The following ACACA variants were observed in gnomAD, a reference collection of about 807,000 sequenced individuals.
ACACA encodes acetyl-CoA carboxylase 1.
A neutral mutation model predicts 296.1 loss-of-function variants in ACACA; 103 were observed. The observed-to-expected ratio is 0.35, with a 90% CI of 0.30 to 0.41. ACACA has a LOEUF of 0.41. Ranked by LOEUF, ACACA falls within the 10% of genes least tolerant of loss-of-function variation. ACACA has a pLI of 1.00. For missense variants in ACACA, 1,554 were observed against 2,989.7 expected (o/e 0.52, Z 11.20); for synonymous variants, 953 against 1,038.6 (o/e 0.92, Z 1.58).
At chr17:37,117,553 C>T (rs1420977981) in intron 50 of ACACA, among the ~76,000 whole-genome samples, 3 of 152,170 alleles carry the variant, frequency 2.0e-5, no homozygotes, top group Non-Finnish European at 4.4e-5. Context: ...GTAAATTTCA[C>T]GCTTGATGTC....
intron 55 of ACACA, 50 bp downstream of exon 55, chr17:37,088,888 C>G (rs961683285): frequency 6.2e-7 from 1 of 1,608,656 alleles, no homozygotes; most frequent in African/African-American, 1.3e-5. Context: ...CTTTTTATTC[C>G]AAAGAAATTA....
intron 1 of ACACA, among the ~76,000 whole-genome samples, chr17:37,366,185 C>T (rs1472719653): frequency 2.6e-5 from 4 of 152,160 alleles, no homozygotes; most frequent in Admixed American, 2.6e-4. Context: ...TGCCCCATCC[C>T]TACCTTCTCT....
intron 3 of ACACA, among the ~76,000 whole-genome samples, chr17:37,310,754 A>C (rs1294620426): frequency 6.9e-6 from 1 of 145,048 alleles, no homozygotes; most frequent in African/African-American, 2.5e-5. Flanking sequence ...AGATTGCAAC[A>C]TTGCACTCTA....
chr17:37,269,057 A>C (rs1386964856), intron 10 of ACACA, among the ~76,000 whole-genome samples: 4 of 151,472 alleles, frequency 2.6e-5, no homozygotes, highest in South Asian at 2.1e-4. Context: ...AAAAAAAAAA[A>C]AAAAAACCCA....
In ACACA at chr17:37,188,594, G is replaced by A. The variant is rs149705466; in HGVS notation, c.4573-114C>T. The A allele has an allele frequency of 4.0e-4, 439 of 1,094,650 alleles. No individual in the cohort carries two copies. The African/African-American group carries it at 6.0e-3, about 15-fold the overall frequency. 67.8% of individuals were successfully genotyped at this position (1,094,650 alleles called of 1,614,324 possible). On this transcript the variant is annotated intron_variant, in intron 38 of 55. Coordinates refer to ENST00000616317, the MANE Select transcript of ACACA (RefSeq NM_198834.3). Reference sequence around the variant, plus strand: ...TAAAAAAAAAAAGAGGTTGGTTTGTGGAGATGCACACCTTACAAAAAGTGG... The same window carrying A: ...TAAAAAAAAAAAGAGGTTGGTTTGTAGAGATGCACACCTTACAAAAAGTGG...
chr17:37,352,538 C>T (rs2048952934), intron 1 of ACACA, among the ~76,000 whole-genome samples: 1 of 151,830 alleles, frequency 6.6e-6, no homozygotes, highest in Admixed American at 6.6e-5. Context: ...CATGACGCAA[C>T]CCCATCTCTA....
intron 1 of ACACA, among the ~76,000 whole-genome samples, chr17:37,370,654 C>T (rs943146771): frequency 3.7e-4 from 55 of 150,590 alleles, no homozygotes; most frequent in Non-Finnish European, 6.8e-4. Flanking sequence ...TAGACTCTGT[C>T]TCCAAAAATA....
chr17:37,292,452 G>A (rs1165287059), intron 3 of ACACA, among the ~76,000 whole-genome samples: 1 of 152,064 alleles, frequency 6.6e-6, no homozygotes, highest in Non-Finnish European at 1.5e-5. Flanking sequence ...ACAAAAAAAA[G>A]GCATTCTATA....
chr17:37,170,963 T>A (rs919653241), intron 41 of ACACA, among the ~76,000 whole-genome samples: 1 of 152,174 alleles, frequency 6.6e-6, no homozygotes, highest in African/African-American at 2.4e-5. Context: ...GAAAGACATA[T>A]CCATCAACTC....
chr17:37,242,348 A>C (rs1035521281), intron 22 of ACACA, among the ~76,000 whole-genome samples: 1 of 152,164 alleles, frequency 6.6e-6, no homozygotes, highest in African/African-American at 2.4e-5. Flanking sequence ...CTCCCCACTT[A>C]TCTACCTATA....
chr17:37,161,448 T>C (rs1567742354), intron 42 of ACACA, among the ~76,000 whole-genome samples: 1 of 152,212 alleles, frequency 6.6e-6, no homozygotes. Context: ...TGTTGATAAT[T>C]GACCGTAAGT....
chr17:37,275,448 A>G (rs1346080011), intron 8 of ACACA, among the ~76,000 whole-genome samples: 1 of 146,276 alleles, frequency 6.8e-6, no homozygotes, highest in Non-Finnish European at 1.5e-5. Flanking sequence ...GTAAGCCAAG[A>G]TCATGCCACT....
At chr17:37,096,028 T>C (rs2072967843) in intron 54 of ACACA, among the ~76,000 whole-genome samples, 1 of 152,166 alleles carries the variant, frequency 6.6e-6, no homozygotes, top group South Asian at 2.1e-4. Flanking sequence ...GCCAGCTTCA[T>C]AGGTCCCTTT....
At position 37,379,629 on chromosome 17, in the gene ACACA, C is replaced by G. The variant is rs529886913; in HGVS notation, c.38+26633G>C. 1.3e-4 allele frequency among the ~76,000 whole-genome samples: 20 copies of G among 152,198 alleles called. No homozygotes were observed. The South Asian group carries it at 4.1e-3, about 32-fold the overall frequency. On this transcript the variant is annotated intron_variant, in intron 1 of 55. Coordinates refer to ENST00000616317, the MANE Select transcript of ACACA (RefSeq NM_198834.3). ...AGTGGGCAAAGGACATGAACAGACACTTCTCAAAAGAAGACATTTATGCAG... is the reference window on the plus strand; with the variant it reads ...AGTGGGCAAAGGACATGAACAGACAGTTCTCAAAAGAAGACATTTATGCAG...
intron 11 of ACACA, among the ~76,000 whole-genome samples, chr17:37,260,834 G>A (rs1419529292): frequency 6.6e-6 from 1 of 152,276 alleles, no homozygotes; most frequent in Admixed American, 6.5e-5. Context: ...GCCCTGAAAA[G>A]CTCACCTCAG....
intron 27 of ACACA, 144 bp from the exon 28 acceptor site, chr17:37,223,745 C>A: frequency 1.5e-6 from 1 of 683,378 alleles, no homozygotes; most frequent in Non-Finnish European, 2.6e-6. Context: ...GCTTCCTGAG[C>A]TACAAAATGG....
At chr17:37,240,754 C>A (rs1045583769) in intron 23 of ACACA, among the ~76,000 whole-genome samples, 190 bp from the exon 24 acceptor site, 1 of 152,044 alleles carries the variant, frequency 6.6e-6, no homozygotes, top group African/African-American at 2.4e-5. Context: ...TAGACAAGAC[C>A]TTTTTTAATA....
chr17:37,090,483 T>A (rs2142505728), intron 54 of ACACA, among the ~76,000 whole-genome samples: 1 of 152,318 alleles, frequency 6.6e-6, no homozygotes, highest in African/African-American at 2.4e-5. Flanking sequence ...CTGTATCTAA[T>A]CACTGATAAG....
At chr17:37,260,268 ATATATATATATATATATATATATATATAT>A (rs2081400848) in intron 11 of ACACA, among the ~76,000 whole-genome samples, 2 of 20,126 alleles carry the variant, frequency 9.9e-5, no homozygotes, top group African/African-American at 3.0e-4. Flanking sequence ...ATATATATAT[ATATATATATATATATATATATATATATAT>A]TTTTTTTTTT....
Sources: allele counts gnomAD v4.1 joint callset (sites outside exome capture counted in the v4.1 genomes callset), GRCh38; gene constraint gnomAD v4.1.1; transcripts MANE v1.5; gene names NCBI Gene and HGNC (gene_info 2026-07-23, HGNC 2026-07-21).